WWOX: variants seen among roughly 807,000 people sequenced by gnomAD.
WWOX encodes the protein WW domain containing oxidoreductase.
A neutral mutation model predicts 46.2 loss-of-function variants in WWOX; 69 were observed. The ratio of observed to expected loss-of-function variants is 1.49; its 90% CI spans 1.23 to 1.82. The LOEUF (loss-of-function observed/expected upper bound fraction) is 1.82. Among genes scored for constraint, WWOX ranks in the 40% most tolerant of loss-of-function variants. The pLI is 0.00. For missense variants in WWOX, 919 were observed against 542.6 expected, an observed-to-expected ratio of 1.69 and a Z score of -6.89; for synonymous variants, 359 against 202.6, an observed-to-expected ratio of 1.77 and a Z score of -6.56.
intron 8 of WWOX, among the ~76,000 whole-genome samples, chr16:78,836,482 G>A (rs977497715): frequency 1.3e-5 from 2 of 152,146 alleles, no homozygotes; most frequent in Non-Finnish European, 2.9e-5. Context: ...TCTTCTAGTA[G>A]GATCTCACAT....
chr16:78,916,964 C>G (rs1345892145), intron 8 of WWOX, among the ~76,000 whole-genome samples: 1 of 152,168 alleles, frequency 6.6e-6, no homozygotes, highest in Admixed American at 6.5e-5. Context: ...TGGTTCCCCT[C>G]TTTTCATCCC....
chr16:78,110,697 A>G (rs1282085013), intron 3 of WWOX, among the ~76,000 whole-genome samples: 1 of 152,126 alleles, frequency 6.6e-6, no homozygotes. Flanking sequence ...GCCTGATTCT[A>G]ATCATCTTGT....
At chr16:78,583,031 A>G (rs1013539121) in intron 8 of WWOX, among the ~76,000 whole-genome samples, 2 of 152,234 alleles carry the variant, frequency 1.3e-5, no homozygotes, top group African/African-American at 2.4e-5. Context: ...AGACCTAGGA[A>G]TTCACAGAGT....
intron 8 of WWOX, among the ~76,000 whole-genome samples, chr16:78,706,064 T>TTG (rs1183645787): frequency 2.1e-4 from 31 of 150,236 alleles, no homozygotes; most frequent in African/African-American, 7.6e-4. Flanking sequence ...GCAGGTTTTT[T>TTG]TTTTTTTTTT....
chr16:78,185,220 A>G (rs758609348), intron 5 of WWOX, among the ~76,000 whole-genome samples: 1 of 152,226 alleles, frequency 6.6e-6, no homozygotes, highest in Non-Finnish European at 1.5e-5. Context: ...GAGAATAGCC[A>G]AAGATTTCTT....
At chr16:78,338,129 T>A (rs9935452) in intron 5 of WWOX, among the ~76,000 whole-genome samples, 27,483 of 120,726 alleles carry the variant, frequency 0.23, 8,869 homozygotes, top group African/African-American at 0.38. Context: ...TGCTTTCACA[T>A]GGTGTACCCA....
chr16:79,121,557 G>A (rs1174220260), intron 8 of WWOX, among the ~76,000 whole-genome samples: 20 of 152,174 alleles, frequency 1.3e-4, no homozygotes, highest in Admixed American at 9.8e-4. Context: ...AGGGACTCGG[G>A]AGGCCTGCAG....
intron 8 of WWOX, among the ~76,000 whole-genome samples, chr16:78,803,120 A>C (rs1480365943): frequency 6.6e-6 from 1 of 151,762 alleles, no homozygotes; most frequent in Non-Finnish European, 1.5e-5. Flanking sequence ...TCAATTATAT[A>C]TAAATTAGTC....
chr16:78,529,802 T>A (rs770784616), intron 8 of WWOX, among the ~76,000 whole-genome samples: 7 of 152,182 alleles, frequency 4.6e-5, no homozygotes, highest in African/African-American at 1.4e-4. Context: ...ATTAAATACC[T>A]AGGATTATAA....
intron 8 of WWOX, among the ~76,000 whole-genome samples, chr16:78,645,735 G>A (rs1439241594): frequency 6.6e-6 from 1 of 152,102 alleles, no homozygotes; most frequent in African/African-American, 2.4e-5. Context: ...CATCAGCCAC[G>A]GCCTCCAACA....
rs1386640776 is a variant in WWOX, at chr16:78,343,040, C to A, written c.517-43820C>A. ...TATTTGTATTTCCTTTGACGTGAACCATGGCCATCCAGTAGGCCACGCAAC... is the reference window on the plus strand; with the variant it reads ...TATTTGTATTTCCTTTGACGTGAACAATGGCCATCCAGTAGGCCACGCAAC... On this transcript the variant is annotated intron_variant, in intron 5 of 8. Transcript: ENST00000566780. Among the ~76,000 whole-genome samples the A allele has an allele frequency of 1.6e-5, 2 of 121,338 alleles. 1 individual carries two copies. The highest frequency in any genetic ancestry group is 4.0e-5 in the Non-Finnish European group (2 of 50,630). 79.6% of individuals were successfully genotyped at this position (121,338 alleles called of 152,430 possible).
intron 8 of WWOX, among the ~76,000 whole-genome samples, chr16:78,885,686 A>G (rs1052910017): frequency 3.9e-5 from 6 of 152,178 alleles, no homozygotes; most frequent in African/African-American, 1.4e-4. Context: ...TGCAGTTTCC[A>G]TAGGGATAAC....
At chr16:78,928,266 G>T (rs545948659) in intron 8 of WWOX, among the ~76,000 whole-genome samples, 1 of 148,226 alleles carries the variant, frequency 6.7e-6, no homozygotes, top group Non-Finnish European at 1.5e-5. Flanking sequence ...GCAGTGGCGC[G>T]ATCTCGGCTC....
At chr16:78,551,925 C>G (rs1027712809) in intron 8 of WWOX, 3 of 152,256 alleles carry the variant, frequency 2.0e-5, no homozygotes, top group African/African-American at 7.2e-5. Context: ...AAACCACCCC[C>G]TCTTACCTGT....
chr16:78,172,686 A>T (rs2035203118), intron 5 of WWOX, among the ~76,000 whole-genome samples: 2 of 151,608 alleles, frequency 1.3e-5, no homozygotes, highest in East Asian at 3.9e-4. Context: ...GGCTGTGATT[A>T]ACTGCAGAGT....
intron 8 of WWOX, among the ~76,000 whole-genome samples, chr16:78,476,861 C>T (rs1053831061): frequency 4.6e-5 from 7 of 151,858 alleles, no homozygotes; most frequent in African/African-American, 1.7e-4. Context: ...CTTTTTCCTT[C>T]CCTCCCTTCC....
chr16:78,668,688 C>T (rs898924004), intron 8 of WWOX, among the ~76,000 whole-genome samples: 11 of 152,092 alleles, frequency 7.2e-5, no homozygotes, highest in Admixed American at 1.3e-4. Context: ...GAGCAGGCAT[C>T]AGATGGGCTT....
chr16:78,596,286 G>C (rs890054225), intron 8 of WWOX, among the ~76,000 whole-genome samples: 1 of 152,178 alleles, frequency 6.6e-6, no homozygotes, highest in Non-Finnish European at 1.5e-5. Flanking sequence ...GAAACGTTTT[G>C]AGATCCTGTC....
chr16:78,297,855 T>G (rs2079967394), intron 5 of WWOX, among the ~76,000 whole-genome samples: 1 of 152,158 alleles, frequency 6.6e-6, no homozygotes, highest in Non-Finnish European at 1.5e-5. Flanking sequence ...AGGTGCCATT[T>G]TTCCATATGG....
Sources: allele counts gnomAD v4.1 joint callset (sites outside exome capture counted in the v4.1 genomes callset), GRCh38; gene constraint gnomAD v4.1.1; transcripts MANE v1.5; gene names NCBI Gene and HGNC (gene_info 2026-07-23, HGNC 2026-07-21).